FANCM: variants seen among roughly 807,000 people sequenced by gnomAD.
FANCM encodes Fanconi anemia group M protein.
A neutral mutation model predicts 199.5 loss-of-function variants in FANCM; 140 were observed. The ratio of observed to expected loss-of-function variants is 0.70; its 90% CI spans 0.61 to 0.81. The LOEUF is 0.81. FANCM is among the 30% of genes least tolerant of loss of function. FANCM has a pLI of 0.00. For synonymous variants in FANCM, 840 were observed against 836.8 expected (o/e 1.00, Z -0.07); for missense variants, 2,410 against 2,421.4 (o/e 1.00, Z 0.10).
chr14:45,153,886 C>T, intron 5 of FANCM, 34 bp from the exon 6 acceptor site: 1 of 1,585,164 alleles, frequency 6.3e-7, no homozygotes, highest in Non-Finnish European at 8.7e-7. Flanking sequence ...TCATTTATTT[C>T]TCTGGTTAAA....
rs749994733 is a variant in FANCM at position 45,192,185 on chromosome 14, A to G, written c.5340+2823A>G. Among the ~76,000 whole-genome samples the G allele has an allele frequency of 2.0e-5, 3 of 152,206 alleles. No individual in the cohort carries two copies. The East Asian group carries it at 5.8e-4, about 29-fold the overall frequency. On this transcript the variant is annotated intron_variant, in intron 20 of 22. Transcript: ENST00000267430. ...AGGGAGTATTGCTCCCATCCTTACT[A>G]TAACAAAGAGCCAGTCATCTGCAAA...
At chr14:45,144,039 T>C (rs978751141) in intron 3 of FANCM, among the ~76,000 whole-genome samples, 2 of 136,236 alleles carry the variant, frequency 1.5e-5, no homozygotes, top group African/African-American at 7.1e-5. Flanking sequence ...TTTTAAAACT[T>C]TTTTTTTTTA....
Position 45,176,581 on chromosome 14 carries a change from C to T in FANCM, c.3827C>T (p.Ser1276Leu), listed in dbSNP as rs753876341. 1.5e-4 allele frequency: 238 copies of T among 1,604,652 alleles called. No individual in the cohort carries two copies. Among genetic ancestry groups the T allele is most frequent in the Non-Finnish European group, 1.8e-4 (217 of 1,175,020 alleles). Residue 1276 changes from serine to leucine, a missense_variant, in exon 14 of 23, where the codon TCG becomes TTG. Transcript: ENST00000267430. The stretch of plus-strand genomic sequence containing the variant: ...GAGATAAGTGATGCAAATTATGTTT[C>T]GAATCAAGCACTAATACCAAGAGAT... Reference protein sequence around the residue: ...IKEISDANYVSNQALIPRDHS... With the variant: ...IKEISDANYVLNQALIPRDHS...
intron 3 of FANCM, among the ~76,000 whole-genome samples, chr14:45,141,458 G>A (rs1295908805): frequency 6.7e-6 from 1 of 148,408 alleles, no homozygotes; most frequent in East Asian, 2.0e-4. Context: ...TTCAGTGGTT[G>A]CAGGACTCCC....
chr14:45,189,190 G>T lies in FANCM; in HGVS notation c.5168G>T (p.Arg1723Ile). The stretch of plus-strand genomic sequence containing the variant: ...CAGTCCAAGGTGCGTTCTACTCCAA[G>T]AGTTAATCCATTAGCAAAGCAGAGC... ...SAQSKVRSTP[R>I]VNPLAKQSKQ... Residue 1723 changes from arginine (R) to isoleucine (I), a missense_variant, in exon 20 of 23, where the codon AGA (arginine) becomes ATA (isoleucine). Arg to Ile is a moderately conservative substitution (Grantham distance 97, BLOSUM62 -3). Transcript: ENST00000267430. 2 of 1,614,150 alleles carry T rather than the reference G, an allele frequency of 1.2e-6. No homozygotes were observed. The highest frequency in any genetic ancestry group is 2.2e-5 in the South Asian group (2 of 91,080).
rs199507375 is a variant in FANCM, at chr14:45,175,850, T to C, written c.3096T>C (p.Asp1032=). 74 of 1,614,064 alleles carry C rather than the reference T, an allele frequency of 4.6e-5. No individual in the cohort carries two copies. Among genetic ancestry groups the C allele is most frequent in the Non-Finnish European group, 5.6e-5 (66 of 1,179,980 alleles). Residue 1032 remains aspartate (D), a synonymous_variant, in exon 14 of 23, where the codon GAT becomes GAC. Coordinates refer to ENST00000267430, the MANE Select transcript of FANCM (RefSeq NM_020937.4). ...FLPCAEHLRS[D]KCTCLLSHSA... The stretch of plus-strand genomic sequence containing the variant: ...CCTGTGCAGAGCATTTACGAAGTGA[T>C]AAATGCACCTGTTTGCTGTCACATT...
Position 45,136,500 on chromosome 14 carries a change from G to T in FANCM, c.469G>T (p.Val157Leu). ...ACAGCAGATCGAGGCTTGCTACCAGGTGATGGGTATCCCGCAATCCCACAT... is the reference window on the plus strand; with the variant it reads ...ACAGCAGATCGAGGCTTGCTACCAGTTGATGGGTATCCCGCAATCCCACAT... ...VTQQIEACYQ[V>L]MGIPQSHMAE... The change falls in exon 1 of 23, where the codon GTG becomes TTG. Residue 157 changes from valine to leucine, a missense_variant. Coordinates refer to ENST00000267430, the MANE Select transcript of FANCM (RefSeq NM_020937.4). 17 of 1,614,138 alleles carry T rather than the reference G, an allele frequency of 1.1e-5. No individual in the cohort carries two copies. The highest frequency in any genetic ancestry group is 1.2e-5 in the Non-Finnish European group (14 of 1,180,026).
chr14:45,188,718 A>T, intron 19 of FANCM, 84 bp from the exon 20 acceptor site: 1 of 988,092 alleles, frequency 1.0e-6, no homozygotes, highest in South Asian at 1.4e-5. Context: ...ATATTAATGC[A>T]GATTTCATGT....
chr14:45,189,156 T>A lies in FANCM; in HGVS notation c.5134T>A (p.Ser1712Thr). 2 of 1,614,192 alleles carry A rather than the reference T, an allele frequency of 1.2e-6. No homozygotes were observed. Among genetic ancestry groups the A allele is most frequent in the Non-Finnish European group, 1.7e-6 (2 of 1,180,024 alleles). ...DHCLNSVPSG[S>T]SAQSKVRSTP... ...TTGTTTAAATTCAGTGCCTTCTGGA[T>A]CTTCTGCGCAGTCCAAGGTGCGTTC... The change falls in exon 20 of 23, where the codon TCT becomes ACT. Residue 1712 changes from serine to threonine, a missense_variant. Transcript: ENST00000267430.
intron 13 of FANCM, among the ~76,000 whole-genome samples, chr14:45,173,858 T>C (rs1888494341): frequency 6.6e-6 from 1 of 152,200 alleles, no homozygotes; most frequent in Non-Finnish European, 1.5e-5. Flanking sequence ...CTATTTTTAT[T>C]ATTAGCCTTT....
chr14:45,196,207 G>A lies in FANCM; in HGVS notation c.5376G>A (p.Gly1792=), dbSNP rs752969685. Residue 1792 remains glycine (G), a synonymous_variant, in exon 21 of 23, where the codon GGG becomes GGA. Transcript: ENST00000267430. ...CTTTGGAGGATTCTAGCACTTCAGGGGCATCCTGTTCCAAGTCAAGACCAC... is the reference window on the plus strand; with the variant it reads ...CTTTGGAGGATTCTAGCACTTCAGGAGCATCCTGTTCCAAGTCAAGACCAC... ...GSALEDSSTS[G]ASCSKSRPHL... The A allele has an allele frequency of 3.1e-6, 5 of 1,613,886 alleles. No individual in the cohort carries two copies. In the East Asian group the frequency reaches 1.1e-4, roughly 36 times the overall value.
intron 7 of FANCM, 39 bp from the exon 8 acceptor site, chr14:45,155,334 A>T (rs1424399335): frequency 1.1e-6 from 1 of 928,864 alleles, no homozygotes; most frequent in African/African-American, 1.6e-5. Context: ...AATATGGAAA[A>T]AAACAGAAAA....
At position 45,175,553 on chromosome 14, in the gene FANCM, C is replaced by T. The variant is rs1292603050; in HGVS notation, c.2799C>T (p.Ser933=). 4 of 1,612,846 alleles carry T rather than the reference C, an allele frequency of 2.5e-6. No homozygotes were observed. The highest frequency in any genetic ancestry group is 2.2e-5 in the South Asian group (2 of 91,052). Residue 933 remains serine, a synonymous_variant, in exon 14 of 23, where the codon TCC becomes TCT. Coordinates refer to ENST00000267430, the MANE Select transcript of FANCM (RefSeq NM_020937.4). The part of the protein sequence containing the change: ...LLTECQFTNK[S]TSSLAGNVLD... ...CAGAGTGTCAGTTTACAAATAAATC[C>T]ACTAGTTCACTTGCTGGAAATGTTT...
intron 3 of FANCM, among the ~76,000 whole-genome samples, chr14:45,142,808 C>CT (rs1431347014): frequency 6.6e-6 from 1 of 151,940 alleles, no homozygotes; most frequent in Non-Finnish European, 1.5e-5. Flanking sequence ...GTTGCTTTGC[C>CT]TTTTTTACTT....
intron 16 of FANCM, among the ~76,000 whole-genome samples, chr14:45,183,337 CTTGTTA>C (rs1262377031): frequency 3.3e-5 from 5 of 152,064 alleles, no homozygotes; most frequent in Non-Finnish European, 7.4e-5. Flanking sequence ...ATAGTCAAAA[CTTGTTA>C]TTGTTTTATT....
intron 3 of FANCM, among the ~76,000 whole-genome samples, chr14:45,148,248 ATT>A (rs1360724617): frequency 8.8e-5 from 13 of 148,548 alleles, no homozygotes; most frequent in Admixed American, 8.7e-4. Context: ...ACAACTTTTA[ATT>A]TTTACATACT....
intron 17 of FANCM, 116 bp from the exon 18 acceptor site, chr14:45,185,101 A>G: frequency 1.3e-6 from 1 of 777,934 alleles, no homozygotes. Context: ...TGTTTTTATT[A>G]TTTTATTAAT....
At chr14:45,173,830 C>T (rs1158041605) in intron 13 of FANCM, among the ~76,000 whole-genome samples, 1 of 152,206 alleles carries the variant, frequency 6.6e-6, no homozygotes, top group African/African-American at 2.4e-5. Context: ...ATGATAAGTA[C>T]ACAGTAAATT....
intron 18 of FANCM, 141 bp from the exon 19 acceptor site, chr14:45,187,640 C>A: frequency 1.8e-6 from 1 of 570,104 alleles, no homozygotes; most frequent in South Asian, 2.3e-5. Flanking sequence ...TTATAGATAT[C>A]TTTTAATATT....
Sources: gnomAD v4.1 joint callset for allele counts (sites outside exome capture counted in the v4.1 genomes callset) on GRCh38, gnomAD v4.1.1 for gene constraint, MANE v1.5 for transcripts, NCBI Gene and HGNC (gene_info 2026-07-23, HGNC 2026-07-21) for gene names.